PLD5: variants seen among roughly 807,000 people sequenced by gnomAD.
The protein encoded by PLD5 is inactive phospholipase D5.
Under a neutral mutation model 61.1 loss-of-function variants are expected in PLD5, and 36 were observed. The ratio of observed to expected loss-of-function variants is 0.59; its 90% CI spans 0.45 to 0.78. PLD5 has a LOEUF of 0.78. Among genes scored for constraint, PLD5 ranks in the 30% least tolerant of loss-of-function variants. The pLI, the probability that PLD5 is intolerant of heterozygous loss-of-function variation, is 0.00. For synonymous variants in PLD5, 243 were observed against 242.8 expected, an observed-to-expected ratio of 1.00 and a Z score of -0.01; for missense variants, 515 against 644.4, an observed-to-expected ratio of 0.80 and a Z score of 2.17.
chr1:242,518,335 T>C (rs1335421372), intron 1 of PLD5, among the ~76,000 whole-genome samples: 1 of 152,234 alleles, frequency 6.6e-6, no homozygotes, highest in Non-Finnish European at 1.5e-5. Flanking sequence ...ATTTACGTTG[T>C]ACCCTAAACT....
chr1:242,411,156 C>A (rs1664527513), intron 1 of PLD5, among the ~76,000 whole-genome samples: 1 of 152,162 alleles, frequency 6.6e-6, no homozygotes. Context: ...TCACACCTTC[C>A]AACTCTAATT....
intron 1 of PLD5, among the ~76,000 whole-genome samples, chr1:242,486,757 C>A (rs1214169153): frequency 1.3e-5 from 2 of 152,132 alleles, no homozygotes; most frequent in African/African-American, 4.8e-5. Context: ...AAGACACATG[C>A]ACACGTATGT....
At chr1:242,467,777 T>A (rs1667322880) in intron 1 of PLD5, among the ~76,000 whole-genome samples, 1 of 152,088 alleles carries the variant, frequency 6.6e-6, no homozygotes, top group Non-Finnish European at 1.5e-5. Context: ...GAACGATGGT[T>A]CCCAAGCATC....
intron 1 of PLD5, among the ~76,000 whole-genome samples, chr1:242,393,776 AG>A (rs768005406): frequency 2.0e-5 from 3 of 148,714 alleles, no homozygotes; most frequent in Non-Finnish European, 3.0e-5. Context: ...AAGTATTTTT[AG>A]GCAGGGCCGC....
intron 5 of PLD5, among the ~76,000 whole-genome samples, chr1:242,148,032 A>T (rs1478159371): frequency 6.6e-6 from 1 of 152,174 alleles, no homozygotes; most frequent in Non-Finnish European, 1.5e-5. Flanking sequence ...ATAAAATTCA[A>T]TGTATCCATC....
chr1:242,191,829 G>T (rs1219473394), intron 5 of PLD5, among the ~76,000 whole-genome samples: 1 of 151,956 alleles, frequency 6.6e-6, no homozygotes, highest in Non-Finnish European at 1.5e-5. Flanking sequence ...AATGAGGAGG[G>T]AAGGAGGGGG....
intron 9 of PLD5, among the ~76,000 whole-genome samples, chr1:242,095,597 A>T (rs1003890356): frequency 1.3e-5 from 2 of 152,174 alleles, no homozygotes; most frequent in African/African-American, 4.8e-5. Context: ...TTATTTTTTT[A>T]ATTTTAATTT....
chr1:242,441,950 T>C (rs1028353309), intron 1 of PLD5, among the ~76,000 whole-genome samples: 4 of 152,252 alleles, frequency 2.6e-5, no homozygotes, highest in Non-Finnish European at 5.9e-5. Context: ...CTATTGATAA[T>C]TTATCTCTGC....
chr1:242,271,553 G>A (rs952098667), intron 3 of PLD5, among the ~76,000 whole-genome samples: 2 of 152,106 alleles, frequency 1.3e-5, no homozygotes, highest in Admixed American at 6.5e-5. Flanking sequence ...CTAACCAGCT[G>A]CAAGTACATG....
chr1:242,189,279 T>C (rs1355158938), intron 5 of PLD5, among the ~76,000 whole-genome samples: 1 of 151,972 alleles, frequency 6.6e-6, no homozygotes, highest in Non-Finnish European at 1.5e-5. Context: ...ACCTCGTCTC[T>C]ACTAAAAATA....
chr1:242,451,775 G>T (rs964895292), intron 1 of PLD5, among the ~76,000 whole-genome samples: 8 of 151,882 alleles, frequency 5.3e-5, no homozygotes, highest in African/African-American at 1.9e-4. Flanking sequence ...TTCTTGAATG[G>T]CAACCTACTG....
At chr1:242,119,552 T>A (rs936528078) in intron 6 of PLD5, among the ~76,000 whole-genome samples, 2 of 152,328 alleles carry the variant, frequency 1.3e-5, no homozygotes, top group East Asian at 3.9e-4. Context: ...TGATAGATAT[T>A]TTGTGTCTCT....
chr1:242,367,715 C>T (rs193014313), intron 1 of PLD5, among the ~76,000 whole-genome samples: 42 of 152,086 alleles, frequency 2.8e-4, no homozygotes, highest in African/African-American at 8.7e-4. Context: ...GCCAAAATCA[C>T]GAAAGAGGTA....
At chr1:242,294,460 T>C (rs1675536557) in intron 2 of PLD5, among the ~76,000 whole-genome samples, 2 of 152,208 alleles carry the variant, frequency 1.3e-5, no homozygotes, top group African/African-American at 2.4e-5. Flanking sequence ...ATGAAGTCCA[T>C]GTATTTGGCA....
intron 4 of PLD5, among the ~76,000 whole-genome samples, chr1:242,238,672 G>A (rs1446825552): frequency 6.6e-6 from 1 of 152,186 alleles, no homozygotes; most frequent in Admixed American, 6.5e-5. Context: ...AGAGTTCTCT[G>A]GGGGAAATGA....
chr1:242,157,711 C>T lies in PLD5; in HGVS notation c.736-33046G>A, dbSNP rs553053150. On this transcript the variant is annotated intron_variant, in intron 5 of 9. Coordinates refer to ENST00000536534, the MANE Select transcript of PLD5 (RefSeq NM_001372062.1). ...TGCCTGTTCTTTCCTCTGGAAGCTT[C>T]GTCTCTAAAGGCCACCTGCCAGTTG... Among the ~76,000 whole-genome samples, 5 of 152,286 alleles carry T rather than the reference C, an allele frequency of 3.3e-5. No homozygotes were observed. The South Asian group carries it at 1.0e-3, about 32-fold the overall frequency.
In PLD5 at chr1:242,160,551, G is replaced by A. The variant is rs181514976; in HGVS notation, c.736-35886C>T. Among the ~76,000 whole-genome samples the A allele has an allele frequency of 1.6e-4, 25 of 152,244 alleles. No homozygotes were observed. In the East Asian group the frequency reaches 4.4e-3, roughly 27 times the overall value. On this transcript the variant is annotated intron_variant, in intron 5 of 9. Transcript: ENST00000536534. ...TGTCCATGTAAGTGAATATGTTATTGAGCCTTTCATGATTTTATAGATAAC... is the reference window on the plus strand; with the variant it reads ...TGTCCATGTAAGTGAATATGTTATTAAGCCTTTCATGATTTTATAGATAAC...
intron 1 of PLD5, among the ~76,000 whole-genome samples, chr1:242,506,342 A>G (rs908028947): frequency 3.3e-5 from 5 of 152,178 alleles, no homozygotes; most frequent in South Asian, 4.1e-4. Context: ...TGATACTCTC[A>G]CTTTACTAAG....
chr1:242,305,802 C>T (rs904626417), intron 2 of PLD5, among the ~76,000 whole-genome samples: 7 of 152,132 alleles, frequency 4.6e-5, no homozygotes, highest in African/African-American at 9.7e-5. Flanking sequence ...TCTCATGACC[C>T]GCCCGCCTCG....
Sources: gnomAD v4.1 joint callset for allele counts (sites outside exome capture counted in the v4.1 genomes callset) on GRCh38, gnomAD v4.1.1 for gene constraint, MANE v1.5 for transcripts, NCBI Gene and HGNC (gene_info 2026-07-23, HGNC 2026-07-21) for gene names.